The following PLCH1 variants were observed in gnomAD, a reference collection of about 807,000 sequenced individuals.
PLCH1 encodes the protein 1-phosphatidylinositol 4,5-bisphosphate phosphodiesterase eta-1.
PLCH1 carries 60 observed loss-of-function variants against 126.7 expected under a neutral mutation model. That is an observed-to-expected ratio of 0.47 (90% CI 0.38 to 0.59). The LOEUF (loss-of-function observed/expected upper bound fraction) is 0.59, where lower values mean the gene tolerates loss of function less well. Among genes scored for constraint, PLCH1 ranks in the 20% least tolerant of loss-of-function variants. PLCH1 has a pLI of 0.00. For synonymous variants in PLCH1, 719 were observed against 734.9 expected, an observed-to-expected ratio of 0.98 and a Z score of 0.35; for missense variants, 1,723 against 2,040.0, an observed-to-expected ratio of 0.84 and a Z score of 2.99.
At chr3:155,636,854 A>G (rs1294279948) in intron 2 of PLCH1, among the ~76,000 whole-genome samples, 2 of 152,196 alleles carry the variant, frequency 1.3e-5, no homozygotes, top group Non-Finnish European at 2.9e-5. Context: ...ACATAAGTGT[A>G]GATATATTGA....
chr3:155,612,535 A>T (rs772798236), intron 2 of PLCH1, among the ~76,000 whole-genome samples: 1 of 42,828 alleles, frequency 2.3e-5, no homozygotes, highest in Admixed American at 2.4e-4. Context: ...AACAAACAAC[A>T]AAAAAAAAAG....
intron 2 of PLCH1, among the ~76,000 whole-genome samples, chr3:155,625,794 G>C (rs939698480): frequency 3.3e-5 from 5 of 152,186 alleles, no homozygotes; most frequent in Non-Finnish European, 7.3e-5. Context: ...GTGTAAATTG[G>C]TTCAACCATT....
In PLCH1 at chr3:155,585,708, G is replaced by T. The variant is rs1049860710; in HGVS notation, c.600+357C>A. 2.0e-5 allele frequency among the ~76,000 whole-genome samples: 3 copies of T among 152,196 alleles called. No homozygotes were observed. The East Asian group carries it at 5.8e-4, about 29-fold the overall frequency. ...ACAGAGCTCTTGAGGTTTTAGACAAGGGCTATTTTTTGTCATGTTACTTAG... is the reference window on the plus strand; with the variant it reads ...ACAGAGCTCTTGAGGTTTTAGACAATGGCTATTTTTTGTCATGTTACTTAG... On this transcript the variant is annotated intron_variant, in intron 5 of 22. Transcript: ENST00000460012.
At chr3:155,581,508 A>T (rs546275628) in intron 6 of PLCH1, among the ~76,000 whole-genome samples, 1 of 152,374 alleles carries the variant, frequency 6.6e-6, no homozygotes, top group South Asian at 2.1e-4. Flanking sequence ...ACATGAATGA[A>T]TCTTGAAAAC....
At position 155,481,862 on chromosome 3, in the gene PLCH1, C is replaced by T. The variant is rs769548181; in HGVS notation, c.4164G>A (p.Val1388=). ...SPLKLKYNQG[V]VEHFQRGLRN... The stretch of plus-strand genomic sequence containing the variant: ...TCAAACCTCTTTGAAAGTGTTCTAC[C>T]ACACCCTGATTGTACTTGAGTTTTA... The change falls in exon 23 of 23, where the codon GTG becomes GTA. Residue 1388 remains valine (V), a synonymous_variant. Transcript: ENST00000460012. This position sits in a 1 kb window ranked among gnomAD's most constrained non-coding sequence, Gnocchi z 4.2. 9 of 1,614,070 alleles carry T rather than the reference C, an allele frequency of 5.6e-6. No homozygotes were observed. Among genetic ancestry groups the T allele is most frequent in the Non-Finnish European group, 7.6e-6 (9 of 1,180,018 alleles).
intron 1 of PLCH1, among the ~76,000 whole-genome samples, chr3:155,723,780 C>G (rs7638454): frequency 0.055 from 8,350 of 151,764 alleles, 505 homozygotes; most frequent in African/African-American, 0.15. Flanking sequence ...ATGGTGAAAC[C>G]CTGGCTCTAC....
At chr3:155,465,584 T>C (rs1235924506) in intron 21 of PLCH1, among the ~76,000 whole-genome samples, 2 of 151,996 alleles carry the variant, frequency 1.3e-5, no homozygotes, top group Admixed American at 1.3e-4. Flanking sequence ...AAACTCCTTC[T>C]GCTTGAGAAA....
At chr3:155,627,768 G>GT (rs1559865331) in intron 2 of PLCH1, among the ~76,000 whole-genome samples, 6 of 140,248 alleles carry the variant, frequency 4.3e-5, no homozygotes, top group Non-Finnish European at 9.1e-5. Flanking sequence ...AGTTATCGGA[G>GT]ATTTTTTTTT....
At chr3:155,719,144 G>A (rs2109129771) in intron 1 of PLCH1, among the ~76,000 whole-genome samples, 1 of 152,262 alleles carries the variant, frequency 6.6e-6, no homozygotes. Flanking sequence ...AATGTGTAGT[G>A]TAGTCTTTTA....
intron 12 of PLCH1, among the ~76,000 whole-genome samples, chr3:155,513,883 T>C (rs546513960): frequency 6.6e-6 from 1 of 152,312 alleles, no homozygotes; most frequent in South Asian, 2.1e-4. Flanking sequence ...TATGATTAGC[T>C]TGGGGGTAGG....
At chr3:155,483,285 A>G (rs893295719) in intron 22 of PLCH1, 34 of 1,097,120 alleles carry the variant, frequency 3.1e-5, no homozygotes, top group Non-Finnish European at 4.4e-5. Flanking sequence ...ACATCTGCTA[A>G]GGATGTAATA....
intron 1 of PLCH1, among the ~76,000 whole-genome samples, chr3:155,720,638 T>G (rs542955656): frequency 2.0e-5 from 3 of 152,238 alleles, no homozygotes; most frequent in East Asian, 1.9e-4. Flanking sequence ...GTCAGAGATA[T>G]AGATTGTGAA....
At chr3:155,640,446 A>C (rs1168678802) in intron 2 of PLCH1, among the ~76,000 whole-genome samples, 1 of 152,128 alleles carries the variant, frequency 6.6e-6, no homozygotes, top group Non-Finnish European at 1.5e-5. Context: ...TGAACGTTTT[A>C]AGCAGAGTGA....
chr3:155,582,157 C>T (rs1178690496), intron 6 of PLCH1, among the ~76,000 whole-genome samples: 3 of 133,586 alleles, frequency 2.2e-5, no homozygotes, highest in Admixed American at 1.7e-4. Context: ...TCTCAGCTCA[C>T]TACAACCTCC....
intron 8 of PLCH1, 95 bp downstream of exon 8, chr3:155,564,820 G>A (rs1307638439): frequency 1.4e-6 from 1 of 733,528 alleles, no homozygotes; most frequent in Non-Finnish European, 2.4e-6. Context: ...GTGTGAGAGT[G>A]TGTTTTAGGT....
At chr3:155,615,013 G>C (rs1007434738) in intron 2 of PLCH1, among the ~76,000 whole-genome samples, 2 of 152,098 alleles carry the variant, frequency 1.3e-5, no homozygotes, top group African/African-American at 4.8e-5. Context: ...AAAAGTGGGA[G>C]AAAATCTTCA....
intron 1 of PLCH1, among the ~76,000 whole-genome samples, chr3:155,705,212 GA>G (rs1746566163): frequency 1.3e-5 from 2 of 152,102 alleles, no homozygotes; most frequent in Admixed American, 6.5e-5. Flanking sequence ...GTCACTTAGT[GA>G]AAAAAATATA....
intron 21 of PLCH1, among the ~76,000 whole-genome samples, chr3:155,451,180 GAAGA>G (rs1265396399): frequency 1.3e-5 from 2 of 151,880 alleles, no homozygotes; most frequent in East Asian, 1.9e-4. Context: ...AATAAATATA[GAAGA>G]AATAACAGAA....
At chr3:155,607,753 T>TA (rs1360881177) in intron 2 of PLCH1, among the ~76,000 whole-genome samples, 9 of 152,102 alleles carry the variant, frequency 5.9e-5, no homozygotes, top group African/African-American at 2.2e-4. Flanking sequence ...AGATTATTAA[T>TA]AAAAATATCT....
Sources: gnomAD v4.1 joint callset for allele counts (sites outside exome capture counted in the v4.1 genomes callset) on GRCh38, gnomAD v4.1.1 for gene constraint, Gnocchi (gnomAD v3.1) non-coding constraint, MANE v1.5 for transcripts, NCBI Gene and HGNC (gene_info 2026-07-23, HGNC 2026-07-21) for gene names.